Variants in NTRK3 observed in about 807,000 individuals in gnomAD.
NTRK3 encodes the protein neurotrophic receptor tyrosine kinase 3, also known as NT-3 growth factor receptor.
Under a neutral mutation model 91.7 loss-of-function variants are expected in NTRK3, and 24 were observed. The ratio of observed to expected loss-of-function variants is 0.26; its 90% CI spans 0.19 to 0.37. NTRK3 has a LOEUF of 0.37. Among genes scored for constraint, NTRK3 ranks in the 10% least tolerant of loss-of-function variants. The pLI is 1.00. For synonymous variants in NTRK3, 483 were observed against 404.0 expected (o/e 1.20, Z -2.34); for missense variants, 880 against 1,068.9 (o/e 0.82, Z 2.46).
intron 17 of NTRK3, among the ~76,000 whole-genome samples, chr15:87,886,715 CACACAT>C (rs1395793281): frequency 3.0e-4 from 27 of 91,114 alleles, no homozygotes; most frequent in African/African-American, 1.0e-3. Flanking sequence ...TATACACACA[CACACAT>C]ACACACACAC....
chr15:88,171,930 G>T (rs2045558336), intron 5 of NTRK3, among the ~76,000 whole-genome samples: 1 of 152,258 alleles, frequency 6.6e-6, no homozygotes, highest in Non-Finnish European at 1.5e-5. Flanking sequence ...CATTGAGAGG[G>T]TCATACCTTT....
At chr15:88,067,278 T>A (rs2046733324) in intron 13 of NTRK3, among the ~76,000 whole-genome samples, 1 of 152,166 alleles carries the variant, frequency 6.6e-6, no homozygotes, top group Admixed American at 6.5e-5. Context: ...GAAGTCTATA[T>A]ATTTATCCAC....
At chr15:88,121,905 G>A (rs1215640658) in intron 13 of NTRK3, among the ~76,000 whole-genome samples, 2 of 152,210 alleles carry the variant, frequency 1.3e-5, no homozygotes, top group African/African-American at 4.8e-5. Context: ...AGATGAGCTT[G>A]TGTCCCAAGG....
At chr15:87,971,906 T>A (rs945022439) in intron 14 of NTRK3, among the ~76,000 whole-genome samples, 1 of 152,194 alleles carries the variant, frequency 6.6e-6, no homozygotes, top group Non-Finnish European at 1.5e-5. Flanking sequence ...ATTGCAAGCC[T>A]TGCAGAGCAA....
intron 11 of NTRK3, 48 bp downstream of exon 11, chr15:88,128,663 T>G: frequency 6.3e-7 from 1 of 1,593,374 alleles, no homozygotes; most frequent in South Asian, 1.1e-5. Context: ...TAGTTACCGA[T>G]AGTATCAGAA....
At chr15:88,029,996 T>A (rs1377069641) in intron 14 of NTRK3, among the ~76,000 whole-genome samples, 2 of 152,222 alleles carry the variant, frequency 1.3e-5, no homozygotes, top group African/African-American at 2.4e-5. Flanking sequence ...TCATTGTCTG[T>A]CATGCCACTC....
intron 13 of NTRK3, among the ~76,000 whole-genome samples, chr15:88,097,660 A>C (rs1202301563): frequency 1.3e-5 from 2 of 152,232 alleles, no homozygotes; most frequent in Non-Finnish European, 2.9e-5. Context: ...TAAACGGGGA[A>C]TGATTAAATT....
intron 12 of NTRK3, 113 bp downstream of exon 12, chr15:88,127,047 CTT>C: frequency 2.3e-6 from 2 of 867,498 alleles, no homozygotes; most frequent in South Asian, 1.5e-5. Context: ...CAATTCATTA[CTT>C]TTTTTTTTCA....
intron 13 of NTRK3, among the ~76,000 whole-genome samples, chr15:88,057,542 GT>G (rs2045832078): frequency 6.6e-6 from 1 of 152,114 alleles, no homozygotes; most frequent in South Asian, 2.1e-4. Flanking sequence ...AGCAAGGGCT[GT>G]TCTTTGAGTG....
intron 14 of NTRK3, among the ~76,000 whole-genome samples, chr15:87,981,865 AGAG>A (rs1003891267): frequency 1.4e-4 from 21 of 152,324 alleles, no homozygotes; most frequent in African/African-American, 4.8e-4. Flanking sequence ...TGAGGAGATG[AGAG>A]GAGGTGGTGG....
chr15:88,135,447 C>A (rs374957938), intron 9 of NTRK3, 50 bp from the exon 10 acceptor site: 2 of 1,586,696 alleles, frequency 1.3e-6, no homozygotes, highest in African/African-American at 2.7e-5. Context: ...TCTACCACCT[C>A]CTGCAGTAGC....
intron 14 of NTRK3, among the ~76,000 whole-genome samples, chr15:88,030,057 A>G (rs1415849517): frequency 2.0e-5 from 3 of 152,214 alleles, no homozygotes; most frequent in African/African-American, 7.2e-5. Context: ...GATGGAACAG[A>G]AAGTCCCACT....
At chr15:88,001,478 A>C (rs1282737079) in intron 14 of NTRK3, among the ~76,000 whole-genome samples, 1 of 152,164 alleles carries the variant, frequency 6.6e-6, no homozygotes, top group Admixed American at 6.6e-5. Context: ...CAATGCTTAC[A>C]TTTAGGTCTT....
In NTRK3 at chr15:88,043,622, G is replaced by C. The variant is rs538880933; in HGVS notation, c.1397-10577C>G. Among the ~76,000 whole-genome samples the C allele has an allele frequency of 2.6e-5, 4 of 152,262 alleles. No homozygotes were observed. The South Asian group carries it at 8.3e-4, about 32-fold the overall frequency. Reference sequence around the variant, plus strand: ...TTCAACACCAAAGCCAAGAGAATGAGAACCCAAATTCCTGAGGGCTAAGCC... The same window carrying C: ...TTCAACACCAAAGCCAAGAGAATGACAACCCAAATTCCTGAGGGCTAAGCC... On this transcript the variant is annotated intron_variant, in intron 13 of 18. Transcript: ENST00000394480.
At chr15:88,037,752 G>C (rs1055136882) in intron 13 of NTRK3, among the ~76,000 whole-genome samples, 2 of 152,226 alleles carry the variant, frequency 1.3e-5, no homozygotes, top group African/African-American at 2.4e-5. Context: ...TGAGGAGTTA[G>C]TTGGAGAAAT....
At chr15:88,112,237 T>G (rs1354479427) in intron 13 of NTRK3, among the ~76,000 whole-genome samples, 2 of 152,190 alleles carry the variant, frequency 1.3e-5, no homozygotes, top group African/African-American at 4.8e-5. Context: ...ATTATTTCAG[T>G]TAATCCAATG....
intron 5 of NTRK3, among the ~76,000 whole-genome samples, chr15:88,176,022 A>G (rs1221859116): frequency 2.6e-5 from 4 of 151,752 alleles, no homozygotes; most frequent in South Asian, 4.2e-4. Flanking sequence ...TTCACTGTAC[A>G]TTTTTGTATC....
chr15:88,059,128 T>C (rs1252464091), intron 13 of NTRK3, among the ~76,000 whole-genome samples: 1 of 151,962 alleles, frequency 6.6e-6, no homozygotes, highest in Non-Finnish European at 1.5e-5. Context: ...AGAGAAAATC[T>C]TCCAGCAGCA....
At chr15:88,004,399 T>C (rs923047107) in intron 14 of NTRK3, among the ~76,000 whole-genome samples, 1 of 152,158 alleles carries the variant, frequency 6.6e-6, no homozygotes, top group Admixed American at 6.5e-5. Flanking sequence ...TAAACTCTCA[T>C]GTGGGCAAGA....
Sources: gnomAD v4.1 joint callset for allele counts (sites outside exome capture counted in the v4.1 genomes callset) on GRCh38, gnomAD v4.1.1 for gene constraint, MANE v1.5 for transcripts, NCBI Gene and HGNC (gene_info 2026-07-23, HGNC 2026-07-21) for gene names.